SYN3: variants seen among roughly 807,000 people sequenced by gnomAD.
SYN3 encodes synapsin-3.
SYN3 carries 35 observed loss-of-function variants against 65.8 expected under a neutral mutation model. The observed-to-expected ratio is 0.53, with a 90% CI of 0.41 to 0.70. The LOEUF is 0.70. Among genes scored for constraint, SYN3 ranks in the 30% least tolerant of loss-of-function variants. SYN3 has a pLI of 0.00. For synonymous variants in SYN3, 270 were observed against 292.9 expected, an observed-to-expected ratio of 0.92 and a Z score of 0.80; for missense variants, 680 against 749.0, an observed-to-expected ratio of 0.91 and a Z score of 1.08.
chr22:32,998,776 T>TAAAAAA (rs34372968), intron 2 of SYN3, among the ~76,000 whole-genome samples: 99 of 81,960 alleles, frequency 1.2e-3, no homozygotes, highest in African/African-American at 1.6e-3. Flanking sequence ...ATAGAAATAG[T>TAAAAAA]AAAAAAAAAA....
intron 6 of SYN3, chr22:32,849,450 A>G: frequency 6.2e-7 from 1 of 1,613,324 alleles, no homozygotes; most frequent in Non-Finnish European, 8.5e-7. Flanking sequence ...CTGTCTCTGC[A>G]GTGATCCGGG....
At chr22:32,879,729 C>T in intron 4 of SYN3, among the ~76,000 whole-genome samples, 1 of 152,222 alleles carries the variant, frequency 6.6e-6, no homozygotes, top group East Asian at 1.9e-4. Context: ...TTTGTGACCC[C>T]TTCCCTGAGT....
intron 3 of SYN3, among the ~76,000 whole-genome samples, chr22:32,970,368 G>T (rs1037442709): frequency 1.3e-5 from 2 of 151,822 alleles, no homozygotes; most frequent in African/African-American, 4.8e-5. Flanking sequence ...TTAGCTGGGC[G>T]TGTTGGCTCA....
chr22:32,774,925 T>C (rs2045872544), intron 6 of SYN3, among the ~76,000 whole-genome samples: 1 of 152,158 alleles, frequency 6.6e-6, no homozygotes, highest in Non-Finnish European at 1.5e-5. Flanking sequence ...TTCCACTCAT[T>C]CAACAAATGC....
At chr22:33,027,469 C>T (rs1012181810) in intron 1 of SYN3, among the ~76,000 whole-genome samples, 1 of 151,846 alleles carries the variant, frequency 6.6e-6, no homozygotes, top group Non-Finnish European at 1.5e-5. Flanking sequence ...TGGTGGCTCA[C>T]GTCTGTAATT....
At chr22:32,559,920 T>G (rs1301858386) in intron 7 of SYN3, among the ~76,000 whole-genome samples, 4 of 152,030 alleles carry the variant, frequency 2.6e-5, no homozygotes, top group African/African-American at 9.7e-5. Flanking sequence ...GTGAGTGGGC[T>G]CAAGCCTGTG....
At chr22:32,610,291 C>CG (rs958551577) in intron 6 of SYN3, among the ~76,000 whole-genome samples, 2 of 151,816 alleles carry the variant, frequency 1.3e-5, no homozygotes, top group African/African-American at 4.8e-5. Context: ...CCTGCCCCCC[C>CG]CAAAAAAAGA....
chr22:32,747,303 C>T (rs2145631140), intron 6 of SYN3, among the ~76,000 whole-genome samples: 1 of 33,730 alleles, frequency 3.0e-5, no homozygotes, highest in Non-Finnish European at 6.6e-5. Flanking sequence ...TCTTCCAAGA[C>T]CAAAAACAAA....
At chr22:32,994,642 CT>C (rs981673917) in intron 2 of SYN3, among the ~76,000 whole-genome samples, 35 of 152,276 alleles carry the variant, frequency 2.3e-4, no homozygotes, top group Middle Eastern at 3.4e-3. Context: ...CTCTAAGCCT[CT>C]CAACCAACTC....
intron 6 of SYN3, among the ~76,000 whole-genome samples, chr22:32,731,011 T>C (rs185743166): frequency 1.4e-4 from 21 of 152,092 alleles, no homozygotes; most frequent in African/African-American, 5.1e-4. Flanking sequence ...GGTCCCAGAG[T>C]CCCTGTGCTT....
At chr22:32,950,724 G>C (rs571101167) in intron 3 of SYN3, among the ~76,000 whole-genome samples, 1 of 152,190 alleles carries the variant, frequency 6.6e-6, no homozygotes, top group South Asian at 2.1e-4. Context: ...GCACTGCTTA[G>C]TTCTAAAGCC....
At chr22:32,902,099 A>ATGGAAAGGAAG (rs2049776462) in intron 4 of SYN3, among the ~76,000 whole-genome samples, 1 of 152,168 alleles carries the variant, frequency 6.6e-6, no homozygotes, top group Non-Finnish European at 1.5e-5. Flanking sequence ...ATTCCTCACC[A>ATGGAAAGGAAG]TGGAAAGGAA....
At chr22:32,653,480 G>A (rs1050385505) in intron 6 of SYN3, among the ~76,000 whole-genome samples, 2 of 152,142 alleles carry the variant, frequency 1.3e-5, no homozygotes, top group African/African-American at 4.8e-5. Context: ...TAGAAAACAA[G>A]GTAAGAAAAA....
intron 6 of SYN3, among the ~76,000 whole-genome samples, chr22:32,823,990 C>T (rs2047330615): frequency 6.6e-6 from 1 of 152,118 alleles, no homozygotes; most frequent in African/African-American, 2.4e-5. Context: ...CTGTAAAATA[C>T]AGTGCAGGCC....
intron 3 of SYN3, among the ~76,000 whole-genome samples, chr22:32,979,707 C>T (rs2052315008): frequency 6.6e-6 from 1 of 152,090 alleles, no homozygotes; most frequent in African/African-American, 2.4e-5. Context: ...CAGTATGTGC[C>T]AGGTACTGTT....
chr22:32,755,631 A>G (rs1047006834), intron 6 of SYN3, among the ~76,000 whole-genome samples: 2 of 152,144 alleles, frequency 1.3e-5, no homozygotes, highest in South Asian at 2.1e-4. Context: ...GCCTACTGCA[A>G]ATCCCATAAG....
chr22:33,028,857 A>G (rs1295623663), intron 1 of SYN3, among the ~76,000 whole-genome samples: 8 of 152,102 alleles, frequency 5.3e-5, no homozygotes, highest in Admixed American at 1.3e-4. Context: ...TGGCTAAGAC[A>G]GTGAAACCCC....
chr22:32,846,789 G>A (rs1306885444), intron 6 of SYN3, among the ~76,000 whole-genome samples: 1 of 152,232 alleles, frequency 6.6e-6, no homozygotes, highest in Non-Finnish European at 1.5e-5. Flanking sequence ...AGAGATTCAG[G>A]AGGAAAGAGC....
At chr22:32,521,499 C>T (rs1456380002) in intron 12 of SYN3, among the ~76,000 whole-genome samples, 3 of 134,898 alleles carry the variant, frequency 2.2e-5, no homozygotes, top group African/African-American at 8.6e-5. Context: ...GGCTAGAGTG[C>T]AGTGGCGCGA....
Sources: allele counts gnomAD v4.1 joint callset (sites outside exome capture counted in the v4.1 genomes callset), GRCh38; gene constraint gnomAD v4.1.1; transcripts MANE v1.5; gene names NCBI Gene and HGNC (gene_info 2026-07-23, HGNC 2026-07-21).